Variants in FARP1 observed in about 807,000 individuals in gnomAD.
FARP1 encodes FERM, ARHGEF and pleckstrin domain-containing protein 1.
FARP1 carries 52 observed loss-of-function variants against 128.8 expected under a neutral mutation model. That is an observed-to-expected ratio of 0.40 (90% CI 0.32 to 0.51). FARP1 has a LOEUF of 0.51. Among genes scored for constraint, FARP1 ranks in the 20% least tolerant of loss-of-function variants. The pLI is 0.45. For synonymous variants in FARP1, 580 were observed against 551.8 expected (o/e 1.05, Z -0.72); for missense variants, 1,333 against 1,367.9 (o/e 0.97, Z 0.40).
In FARP1 at chr13:98,176,700, C is replaced by T. The variant is rs199748911; in HGVS notation, c.-24+33208C>T. The T allele has an allele frequency of 1.9e-6, 3 of 1,614,178 alleles. No individual in the cohort carries two copies. Among genetic ancestry groups the T allele is most frequent in the African/African-American group, 1.3e-5 (1 of 75,056 alleles). ...GCACAGTGGCGCGCAGATGCCCTGG[C>T]GCACGTATGGGGCCCTTCCTCGCCA... On this transcript the variant is annotated intron_variant, in intron 1 of 26. Transcript: ENST00000319562. The surrounding 1 kb of genome is among the most constrained non-coding windows in gnomAD (Gnocchi z 6.2).
intron 1 of FARP1, among the ~76,000 whole-genome samples, chr13:98,161,215 ATT>A (rs1237544014): frequency 1.2e-4 from 16 of 136,872 alleles, no homozygotes; most frequent in Admixed American, 1.5e-4. Context: ...TGCTTCAGTA[ATT>A]TTTTTTTTTT....
Position 98,448,154 on chromosome 13 carries a change from G to C in FARP1, c.3057-82G>C. The C allele has an allele frequency of 2.5e-6, 3 of 1,207,154 alleles. No individual in the cohort carries two copies. The South Asian group carries it at 3.6e-5, about 15-fold the overall frequency. The allele number at this position is 1,207,154 out of a possible 1,614,324, so 74.8% of individuals were successfully genotyped here. On this transcript the variant is annotated intron_variant, in intron 26 of 26. Coordinates refer to ENST00000319562, the MANE Select transcript of FARP1 (RefSeq NM_005766.4). ...CAACCAGGCGGCCTGACTTCACCTT[G>C]TGTTTCTGTAAGCGATGCCCACCAA...
At chr13:98,435,297 C>T (rs1892210011) in intron 18 of FARP1, 2 of 247,734 alleles carry the variant, frequency 8.1e-6, no homozygotes, top group African/African-American at 4.5e-5. Context: ...GTGTCTTTCC[C>T]CTCTAAGCCA....
At chr13:98,344,421 G>C (rs1179468130) in intron 3 of FARP1, among the ~76,000 whole-genome samples, 1 of 152,166 alleles carries the variant, frequency 6.6e-6, no homozygotes, top group Non-Finnish European at 1.5e-5. Flanking sequence ...TGCCATCTGG[G>C]TGGACAGTAG....
In FARP1 at chr13:98,363,761, A is replaced by AT. The variant is rs200247889; in HGVS notation, c.277-1634_277-1633insT. On this transcript the variant is annotated intron_variant, in intron 3 of 26. Transcript: ENST00000319562. ...ATTTATTTATTTCTTTCTTTTTTCA[A>AT]GACAGAGTCTCGCTCTGTCCCCCAG... Among the ~76,000 whole-genome samples, 1,503 of 152,276 alleles carry AT rather than the reference A, an allele frequency of 9.9e-3. 17 individuals carry two copies. The highest frequency in any genetic ancestry group is 0.031 in the African/African-American group (1,278 of 41,548).
chr13:98,280,794 G>A (rs73558534), intron 2 of FARP1, among the ~76,000 whole-genome samples: 3,101 of 152,214 alleles, frequency 0.02, 96 homozygotes, highest in African/African-American at 0.069. Flanking sequence ...ACAAAAGCAC[G>A]ATCGTATTCT....
intron 16 of FARP1, among the ~76,000 whole-genome samples, chr13:98,422,242 G>A (rs1891618965): frequency 6.6e-6 from 1 of 152,228 alleles, no homozygotes; most frequent in African/African-American, 2.4e-5. Flanking sequence ...ACGCAGTGGG[G>A]CCGACCAGCC....
At chr13:98,240,854 G>C (rs1187679700) in intron 2 of FARP1, among the ~76,000 whole-genome samples, 2 of 152,214 alleles carry the variant, frequency 1.3e-5, no homozygotes, top group African/African-American at 4.8e-5. Context: ...ACAGAACCAA[G>C]AGGCTTTAGT....
chr13:98,143,520 GCGGCGGGAGGGCGGGGGC>G (rs996755493), intron 1 of FARP1, 28 bp downstream of exon 1: 19 of 150,328 alleles, frequency 1.3e-4, no homozygotes, highest in African/African-American at 4.4e-4. Context: ...AACAATGACC[GCGGCGGGAGGGCGGGGGC>G]CGGCGGGGTC....
In FARP1 at chr13:98,395,208, T is replaced by C. The variant is rs747325743; in HGVS notation, c.1165-19T>C. ...CCCTCTTCTCTATCTCTCCGCACCT[T>C]TTTCCCCACCCCACCCAGTCTCAGC... On this transcript the variant is annotated intron_variant, in intron 12 of 26. Coordinates refer to ENST00000319562, the MANE Select transcript of FARP1 (RefSeq NM_005766.4). 2.5e-6 allele frequency: 4 copies of C among 1,578,660 alleles called. No individual in the cohort carries two copies. In the African/African-American group the frequency reaches 5.4e-5, roughly 21 times the overall value.
rs112364908 is a variant in FARP1, at chr13:98,446,836, C to G, written c.3056+19C>G. 13 of 1,613,242 alleles carry G rather than the reference C, an allele frequency of 8.1e-6. No homozygotes were observed. Among genetic ancestry groups the G allele is most frequent in the Non-Finnish European group, 1.1e-5 (13 of 1,179,482 alleles). On this transcript the variant is annotated intron_variant, in intron 26 of 26. Coordinates refer to ENST00000319562, the MANE Select transcript of FARP1 (RefSeq NM_005766.4). ...TCGAAAGGTAGACACCCCCTTCCCA[C>G]GCACAGGGCCCTGCAGAAGAGGACC...
intron 16 of FARP1, among the ~76,000 whole-genome samples, chr13:98,417,370 A>G (rs1891415122): frequency 6.7e-6 from 1 of 148,956 alleles, no homozygotes; most frequent in Admixed American, 6.8e-5. Flanking sequence ...CTTCTCGACT[A>G]TACCTTTATG....
intron 2 of FARP1, among the ~76,000 whole-genome samples, chr13:98,308,018 G>GCC (rs1166745911): frequency 1.0e-5 from 1 of 96,732 alleles, no homozygotes; most frequent in Non-Finnish European, 2.0e-5. Flanking sequence ...CCCTCCGCCC[G>GCC]CCCCCACTCT....
intron 1 of FARP1, among the ~76,000 whole-genome samples, chr13:98,190,009 A>G (rs931662039): frequency 1.1e-4 from 16 of 152,214 alleles, no homozygotes; most frequent in Non-Finnish European, 1.8e-4. Context: ...GTGACCGAAG[A>G]TTGCCCTTGT....
At chr13:98,174,342 G>C (rs1877846043) in intron 1 of FARP1, among the ~76,000 whole-genome samples, 2 of 152,230 alleles carry the variant, frequency 1.3e-5, no homozygotes, top group African/African-American at 2.4e-5. Context: ...GCGTAGCTGA[G>C]TCCAGTGTCT....
At chr13:98,147,141 C>T (rs75895955) in intron 1 of FARP1, among the ~76,000 whole-genome samples, 4,032 of 152,166 alleles carry the variant, frequency 0.026, 182 homozygotes, top group African/African-American at 0.091. Context: ...TATAGGATGC[C>T]CTTGCCCTGG....
chr13:98,261,004 C>G (rs1883851983), intron 2 of FARP1, among the ~76,000 whole-genome samples: 1 of 152,136 alleles, frequency 6.6e-6, no homozygotes, highest in Non-Finnish European at 1.5e-5. Flanking sequence ...TAATTCTGCT[C>G]TGTGTAGGGG....
At chr13:98,261,314 TG>T (rs34723980) in intron 2 of FARP1, among the ~76,000 whole-genome samples, 10,670 of 152,170 alleles carry the variant, frequency 0.07, 412 homozygotes, top group Middle Eastern at 0.12. Flanking sequence ...CTACAGCAAC[TG>T]GGGGATTTGT....
chr13:98,209,686 A>G (rs1471086981), intron 1 of FARP1, among the ~76,000 whole-genome samples: 1 of 147,396 alleles, frequency 6.8e-6, no homozygotes, highest in Non-Finnish European at 1.5e-5. Context: ...GATCCCAGCT[A>G]CTCGGGATGC....
Sources: gnomAD v4.1 joint callset for allele counts (sites outside exome capture counted in the v4.1 genomes callset) on GRCh38, gnomAD v4.1.1 for gene constraint, Gnocchi (gnomAD v3.1) non-coding constraint, MANE v1.5 for transcripts, NCBI Gene and HGNC (gene_info 2026-07-23, HGNC 2026-07-21) for gene names.